Variants in MRPL37 observed in about 807,000 individuals in gnomAD.
MRPL37 encodes the protein mitochondrial ribosomal protein L37, also known as large ribosomal subunit protein mL37.
In MRPL37, 34 loss-of-function variants were observed where a neutral mutation model predicts 44.1. The ratio of observed to expected loss-of-function variants is 0.77; its 90% CI spans 0.59 to 1.03. The LOEUF is 1.03. Among genes scored for constraint, MRPL37 ranks in the 50% least tolerant of loss-of-function variants. The probability of loss-of-function intolerance (pLI) is 0.00; values close to 1 mark genes in which losing one functional copy is unlikely to be tolerated. For synonymous variants in MRPL37, 212 were observed against 219.5 expected (o/e 0.97, Z 0.30); for missense variants, 532 against 543.7 (o/e 0.98, Z 0.21).
At chr1:54,224,556 C>G (rs1052340814), downstream of MRPL37, among the ~76,000 whole-genome samples, 1 of 152,210 alleles carries the variant, frequency 6.6e-6, no homozygotes, top group African/African-American at 2.4e-5. Flanking sequence ...TTGCAGCAAA[C>G]AAGATTTAAA....
At chr1:54,217,521 C>T (rs1367535109) in intron 6 of MRPL37, among the ~76,000 whole-genome samples, 1 of 152,226 alleles carries the variant, frequency 6.6e-6, no homozygotes, top group Non-Finnish European at 1.5e-5. Context: ...TCAGCATTCG[C>T]CCTGGGCTCC....
chr1:54,201,506 A>G (rs1644082762), intron 1 of MRPL37, among the ~76,000 whole-genome samples: 1 of 152,246 alleles, frequency 6.6e-6, no homozygotes, highest in Non-Finnish European at 1.5e-5. Context: ...GGATGAATGC[A>G]TTAGCAGTAT....
downstream of MRPL37, among the ~76,000 whole-genome samples, chr1:54,222,663 C>T (rs1644244106): frequency 6.6e-6 from 1 of 152,146 alleles, no homozygotes; most frequent in Admixed American, 6.5e-5. Flanking sequence ...CCCAGTCCTT[C>T]GGCCTCTTCT....
At chr1:54,212,840 G>C (rs1337397611) in intron 5 of MRPL37, among the ~76,000 whole-genome samples, 182 bp downstream of exon 5, 1 of 152,194 alleles carries the variant, frequency 6.6e-6, no homozygotes, top group Non-Finnish European at 1.5e-5. Context: ...GTGACTGCCT[G>C]TGCTTCACCT....
In MRPL37 at chr1:54,208,946, C is replaced by G. The variant is rs189565977; in HGVS notation, c.647-1000C>G. On this transcript the variant is annotated intron_variant, in intron 3 of 6. Coordinates refer to ENST00000360840, the MANE Select transcript of MRPL37 (RefSeq NM_016491.4). ...ACAGTACACAGGACATTCCCTCCCC[C>G]CACTCCGCCAAAGAGTTATCTGATC... is the stretch of plus-strand genomic sequence containing the variant. 1.3e-4 allele frequency among the ~76,000 whole-genome samples: 20 copies of G among 152,184 alleles called. No homozygotes were observed. In the South Asian group the frequency reaches 1.5e-3, roughly 11 times the overall value.
intron 6 of MRPL37, among the ~76,000 whole-genome samples, chr1:54,216,748 C>G (rs1644200630): frequency 6.6e-6 from 1 of 152,180 alleles, no homozygotes; most frequent in Non-Finnish European, 1.5e-5. Context: ...AAACTTCTGA[C>G]CACCACCGTC....
In MRPL37 at chr1:54,212,607, G is replaced by A. The variant is rs200125721; in HGVS notation, c.939G>A (p.Met313Ile). Residue 313 changes from methionine to isoleucine, a missense_variant, in exon 5 of 7, where the codon ATG becomes ATA. By Grantham distance (10) the Met-to-Ile change is conservative. Transcript: ENST00000360840. Reference protein sequence around the residue: ...RLQPDQLRAKMILFAFGSALA... With the variant: ...RLQPDQLRAKIILFAFGSALA... ...AACCAGATCAGCTGCGGGCCAAGAT[G>A]ATCCTGTTTGCTTTTGGCAGTGCCC... The A allele has an allele frequency of 5.6e-6, 9 of 1,614,114 alleles. No homozygotes were observed. Among genetic ancestry groups the A allele is most frequent in the Admixed American group, 1.7e-5 (1 of 60,008 alleles).
chr1:54,203,193 C>T (rs1017059523), intron 1 of MRPL37, among the ~76,000 whole-genome samples: 6 of 152,154 alleles, frequency 3.9e-5, no homozygotes, highest in Non-Finnish European at 8.8e-5. Flanking sequence ...GGGTCTCTGT[C>T]ACCCAGGCTG....
Position 54,218,177 on chromosome 1 carries a change from T to G in MRPL37, c.1200T>G (p.Pro400=), listed in dbSNP as rs374019354. The G allele has an allele frequency of 6.2e-7, 1 of 1,614,048 alleles. No homozygotes were observed. Among genetic ancestry groups the G allele is most frequent in the Non-Finnish European group, 8.5e-7 (1 of 1,179,958 alleles). Residue 400 remains proline (P), a synonymous_variant, in exon 7 of 7, where the codon CCT becomes CCG. Transcript: ENST00000360840. ...ATGAACCGTGTTCTTTCCAGGAACC[T>G]GTTGGCCCAGTTGGTTTCAAGCCAG... The part of the protein sequence containing the change: ...PVIKKRVVVE[P]VGPVGFKPET...
intron 5 of MRPL37, among the ~76,000 whole-genome samples, chr1:54,215,734 T>C (rs1160162375): frequency 6.6e-6 from 1 of 152,182 alleles, no homozygotes; most frequent in Non-Finnish European, 1.5e-5. Context: ...TGAGATTATA[T>C]CTATCCGTTG....
downstream of MRPL37, chr1:54,225,373 C>A: frequency 8.1e-7 from 1 of 1,234,088 alleles, no homozygotes; most frequent in Non-Finnish European, 1.0e-6. Context: ...AGTCACCTTG[C>A]ATTTTGTAAT....
At chr1:54,209,823 C>T (rs1341036658) in intron 3 of MRPL37, 123 bp from the exon 4 acceptor site, 2 of 990,548 alleles carry the variant, frequency 2.0e-6, no homozygotes, top group Non-Finnish European at 2.9e-6. Flanking sequence ...CCTAGAACTC[C>T]TGGCTTCCAA....
chr1:54,210,197 A>G, intron 4 of MRPL37, 66 bp downstream of exon 4: 6 of 1,515,806 alleles, frequency 4.0e-6, no homozygotes, highest in Non-Finnish European at 5.4e-6. Context: ...TCTGGAGGGA[A>G]AGGATATACT....
At chr1:54,211,437 G>A (rs1644163714) in intron 4 of MRPL37, among the ~76,000 whole-genome samples, 1 of 152,040 alleles carries the variant, frequency 6.6e-6, no homozygotes, top group African/African-American at 2.4e-5. Context: ...CAAACATGCA[G>A]GAGAGCCATG....
At position 54,212,611 on chromosome 1, in the gene MRPL37, C is replaced by A; in HGVS notation, c.943C>A (p.Leu315Met). ...QPDQLRAKMI[L>M]FAFGSALAQA... ...AGATCAGCTGCGGGCCAAGATGATC[C>A]TGTTTGCTTTTGGCAGTGCCCTGGC... Residue 315 changes from leucine to methionine, a missense_variant, in exon 5 of 7, where the codon CTG becomes ATG. Transcript: ENST00000360840. 6.2e-7 allele frequency: 1 copy of A among 1,614,224 alleles called. No individual in the cohort carries two copies. Among genetic ancestry groups the A allele is most frequent in the East Asian group, 2.2e-5 (1 of 44,886 alleles).
chr1:54,224,331 T>C (rs1296115670), downstream of MRPL37, among the ~76,000 whole-genome samples: 1 of 152,180 alleles, frequency 6.6e-6, no homozygotes, highest in East Asian at 1.9e-4. Flanking sequence ...TCCTCCCAGC[T>C]ACTCCCCAAC....
At chr1:54,215,740 C>A (rs983163111) in intron 5 of MRPL37, among the ~76,000 whole-genome samples, 2 of 152,156 alleles carry the variant, frequency 1.3e-5, no homozygotes, top group African/African-American at 4.8e-5. Flanking sequence ...TATATCTATC[C>A]GTTGACCCTC....
rs11544811 is a variant in MRPL37, at chr1:54,200,360, G to A, written c.117G>A (p.Arg39=). The A allele has an allele frequency of 4.8e-5, 77 of 1,614,064 alleles. No individual in the cohort carries two copies. The highest frequency in any genetic ancestry group is 6.4e-5 in the Non-Finnish European group (76 of 1,180,032). ...ATGAGTGGGGCGTGCGCTCCACGCG[G>A]AAGTCGGAGCCTCCTCCCCTGGATA... ...GAYEWGVRST[R]KSEPPPLDRV... The change falls in exon 1 of 7, where the codon CGG becomes CGA. Residue 39 remains arginine (R), a synonymous_variant. Transcript: ENST00000360840.
chr1:54,204,691 C>G lies in MRPL37; in HGVS notation c.347-327C>G, dbSNP rs1180371718. Among the ~76,000 whole-genome samples, 3 of 152,306 alleles carry G rather than the reference C, an allele frequency of 2.0e-5. No homozygotes were observed. In the East Asian group the frequency reaches 5.8e-4, roughly 29 times the overall value. ...GGCATCCATCAATTTAGTACCATAG[C>G]CTAGGGTCTATCCCCTGCTTGCAGC... On this transcript the variant is annotated intron_variant, in intron 1 of 6. Coordinates refer to ENST00000360840, the MANE Select transcript of MRPL37 (RefSeq NM_016491.4).
Sources: gnomAD v4.1 joint callset for allele counts (sites outside exome capture counted in the v4.1 genomes callset) on GRCh38, gnomAD v4.1.1 for gene constraint, MANE v1.5 for transcripts, NCBI Gene and HGNC (gene_info 2026-07-23, HGNC 2026-07-21) for gene names.